Variants in BMPR1B observed in about 807,000 individuals in gnomAD.
The protein encoded by BMPR1B is bone morphogenetic protein receptor type 1B.
Under a neutral mutation model 59.1 loss-of-function variants are expected in BMPR1B, and 12 were observed. That is an observed-to-expected ratio of 0.20 (90% CI 0.13 to 0.33). The LOEUF (loss-of-function observed/expected upper bound fraction) is 0.33. Ranked by LOEUF, BMPR1B falls within the 10% of genes least tolerant of loss-of-function variation. BMPR1B has a pLI of 1.00. For synonymous variants in BMPR1B, 237 were observed against 207.3 expected (o/e 1.14, Z -1.23); for missense variants, 550 against 610.9 (o/e 0.90, Z 1.05).
At chr4:94,758,648 A>T (rs1478885837) in intron 1 of BMPR1B, among the ~76,000 whole-genome samples, 1 of 151,710 alleles carries the variant, frequency 6.6e-6, no homozygotes, top group African/African-American at 2.4e-5. Context: ...GGCGCCTTGG[A>T]CTGGGCTCCG....
chr4:95,055,289 T>G (rs1726832984), intron 3 of BMPR1B, among the ~76,000 whole-genome samples: 1 of 152,190 alleles, frequency 6.6e-6, no homozygotes, highest in African/African-American at 2.4e-5. Flanking sequence ...TATACATTTT[T>G]TTTTAGTATA....
rs565287729 is a variant in BMPR1B at position 94,892,501 on chromosome 4, A to T, written c.-113+16601A>T. On this transcript the variant is annotated intron_variant, in intron 2 of 12. Coordinates refer to ENST00000515059, the MANE Select transcript of BMPR1B (RefSeq NM_001203.3). Reference sequence around the variant, plus strand: ...TAACAAGCATTTATTGAACACAAGGATTTATTGAACAAGTATGATGTACTG... The same window carrying T: ...TAACAAGCATTTATTGAACACAAGGTTTTATTGAACAAGTATGATGTACTG... Among the ~76,000 whole-genome samples the T allele has an allele frequency of 7.0e-4, 106 of 152,180 alleles. 1 individual carries two copies. In the South Asian group the frequency reaches 8.7e-3, roughly 12 times the overall value.
At chr4:95,022,894 G>A (rs1267094857) in intron 3 of BMPR1B, among the ~76,000 whole-genome samples, 2 of 152,148 alleles carry the variant, frequency 1.3e-5, no homozygotes, top group Non-Finnish European at 2.9e-5. Context: ...AACCCGTTCT[G>A]TTGTAAGAAA....
rs138755166 is a variant in BMPR1B at position 94,766,343 on chromosome 4, C to G, written c.-183+8275C>G. Among the ~76,000 whole-genome samples, 7 of 150,926 alleles carry G rather than the reference C, an allele frequency of 4.6e-5. No individual in the cohort carries two copies. The East Asian group carries it at 1.4e-3, about 29-fold the overall frequency. ...TATCTCCTGAAATGAAGGGATCATT[C>G]TTACTGCCAGGAGTTGTTCCTACAA... On this transcript the variant is annotated intron_variant, in intron 1 of 12. Coordinates refer to ENST00000515059, the MANE Select transcript of BMPR1B (RefSeq NM_001203.3).
chr4:94,971,027 T>C (rs1730773180), intron 2 of BMPR1B, among the ~76,000 whole-genome samples: 1 of 152,202 alleles, frequency 6.6e-6, no homozygotes, highest in Non-Finnish European at 1.5e-5. Flanking sequence ...CATACAACAA[T>C]TGAAGCTTTT....
In BMPR1B at chr4:95,131,511, A is replaced by G. The variant is rs201289177; in HGVS notation, c.1075A>G (p.Ser359Gly). ...CCTGGGCCTGGCTGTTAAATTTATTAGGTTAGTATCAAAGTGAACAAATAC... is the reference window on the plus strand; with the variant it reads ...CCTGGGCCTGGCTGTTAAATTTATTGGGTTAGTATCAAAGTGAACAAATAC... ...ADLGLAVKFI[S>G]DTNEVDIPPN... Residue 359 changes from serine (S) to glycine (G), a missense_variant and splice_region_variant, in exon 10 of 13, where the codon AGT becomes GGT. By Grantham distance (56) the Ser-to-Gly change is moderately conservative (BLOSUM62 0). Around this residue, in one of 6 missense-constraint regions of BMPR1B, gnomAD observed 318 missense variants for 284.6 expected, o/e 1.12. Transcript: ENST00000515059. 291 of 1,613,984 alleles carry G rather than the reference A, an allele frequency of 1.8e-4. 2 individuals are homozygous for G. Among genetic ancestry groups the G allele is most frequent in the Middle Eastern group, 1.5e-3 (9 of 6,060 alleles).
chr4:94,863,408 A>G (rs904784852), intron 1 of BMPR1B, among the ~76,000 whole-genome samples: 3 of 152,172 alleles, frequency 2.0e-5, no homozygotes, highest in Non-Finnish European at 2.9e-5. Context: ...GTTCTTGAGT[A>G]TATCAGTCGA....
intron 1 of BMPR1B, among the ~76,000 whole-genome samples, chr4:94,787,028 T>G (rs1722789061): frequency 6.6e-6 from 1 of 152,088 alleles, no homozygotes; most frequent in Non-Finnish European, 1.5e-5. Flanking sequence ...CATTTTTTGT[T>G]TTACCAGGGC....
chr4:94,888,496 T>C (rs562850318), intron 2 of BMPR1B, among the ~76,000 whole-genome samples: 24 of 152,084 alleles, frequency 1.6e-4, no homozygotes, highest in Non-Finnish European at 2.8e-4. Flanking sequence ...ATAATAATGA[T>C]ACAAAGCACT....
intron 1 of BMPR1B, among the ~76,000 whole-genome samples, chr4:94,802,445 T>C (rs2110624341): frequency 6.6e-6 from 1 of 152,282 alleles, no homozygotes; most frequent in Non-Finnish European, 1.5e-5. Flanking sequence ...AAAATTATCT[T>C]TGTCCAGGGA....
chr4:94,986,858 G>A (rs967723127), intron 2 of BMPR1B, among the ~76,000 whole-genome samples: 5 of 151,750 alleles, frequency 3.3e-5, no homozygotes, highest in Non-Finnish European at 4.4e-5. Flanking sequence ...TGGCTAACAC[G>A]GTGAAACCCC....
chr4:94,891,506 T>G (rs1355233217), intron 2 of BMPR1B, among the ~76,000 whole-genome samples: 2 of 152,122 alleles, frequency 1.3e-5, no homozygotes, highest in Non-Finnish European at 2.9e-5. Flanking sequence ...GTGGCTTTCA[T>G]CATATGGTTA....
chr4:94,815,735 T>C (rs1201345512), intron 1 of BMPR1B, among the ~76,000 whole-genome samples: 1 of 152,212 alleles, frequency 6.6e-6, no homozygotes, highest in Non-Finnish European at 1.5e-5. Context: ...GTGTGATTTA[T>C]ACCATAGCCT....
intron 1 of BMPR1B, among the ~76,000 whole-genome samples, chr4:94,800,211 GT>G (rs1381572911): frequency 1.3e-5 from 2 of 152,132 alleles, no homozygotes; most frequent in Non-Finnish European, 1.5e-5. Context: ...AAGATTTACT[GT>G]TTTAGAAAGA....
intron 3 of BMPR1B, among the ~76,000 whole-genome samples, chr4:95,086,244 A>G (rs956972610): frequency 6.6e-6 from 1 of 152,156 alleles, no homozygotes; most frequent in Non-Finnish European, 1.5e-5. Context: ...AGAACATGTC[A>G]TGTTCGTTGC....
chr4:94,789,499 G>A (rs539252447), intron 1 of BMPR1B, among the ~76,000 whole-genome samples: 78 of 152,206 alleles, frequency 5.1e-4, no homozygotes, highest in African/African-American at 1.7e-3. Context: ...CGTTGTTGAT[G>A]TTGTGAGTTG....
intron 2 of BMPR1B, among the ~76,000 whole-genome samples, chr4:94,899,469 CAT>C (rs1463779916): frequency 6.7e-6 from 1 of 148,556 alleles, no homozygotes; most frequent in Non-Finnish European, 1.5e-5. Context: ...ATATTTAAAT[CAT>C]ATATATTATA....
At chr4:95,003,300 C>A (rs565039553) in intron 3 of BMPR1B, among the ~76,000 whole-genome samples, 16 of 152,294 alleles carry the variant, frequency 1.1e-4, no homozygotes, top group Non-Finnish European at 2.2e-4. Flanking sequence ...CGTTCTCCCC[C>A]TTTCTCACTT....
At chr4:95,113,619 A>G (rs1731789768) in intron 4 of BMPR1B, among the ~76,000 whole-genome samples, 1 of 152,186 alleles carries the variant, frequency 6.6e-6, no homozygotes, top group Non-Finnish European at 1.5e-5. Flanking sequence ...TTCTTAAGAC[A>G]TTCAGTGCTG....
Sources: gnomAD v4.1 joint callset for allele counts (sites outside exome capture counted in the v4.1 genomes callset) on GRCh38, gnomAD v4.1.1 for gene constraint, gnomAD v4.1.1 regional missense constraint, MANE v1.5 for transcripts, NCBI Gene and HGNC (gene_info 2026-07-23, HGNC 2026-07-21) for gene names.